CSMD1: variants seen among roughly 807,000 people sequenced by gnomAD.
CSMD1 encodes CUB and Sushi multiple domains 1.
A neutral mutation model predicts 417.5 loss-of-function variants in CSMD1; 213 were observed. The observed-to-expected ratio is 0.51, with a 90% CI of 0.46 to 0.57. The LOEUF is 0.57. Among genes scored for constraint, CSMD1 ranks in the 20% least tolerant of loss-of-function variants. CSMD1 has a pLI of 0.00. For missense variants in CSMD1, 6,923 were observed against 4,529.7 expected (o/e 1.53, Z -15.17); for synonymous variants, 2,862 against 1,736.8 (o/e 1.65, Z -16.11).
intron 3 of CSMD1, among the ~76,000 whole-genome samples, chr8:4,361,247 G>A (rs1281304970): frequency 1.3e-5 from 2 of 151,996 alleles, no homozygotes; most frequent in African/African-American, 4.8e-5. Context: ...AAGCAGGAAG[G>A]AAAAGGCGTA....
At chr8:3,111,887 T>A (rs895491235) in intron 42 of CSMD1, among the ~76,000 whole-genome samples, 1 of 151,848 alleles carries the variant, frequency 6.6e-6, no homozygotes, top group Non-Finnish European at 1.5e-5. Context: ...ACAAGCTACT[T>A]TTGTCTCCTG....
At chr8:4,106,174 T>C (rs191510265) in intron 3 of CSMD1, among the ~76,000 whole-genome samples, 13 of 152,268 alleles carry the variant, frequency 8.5e-5, no homozygotes, top group African/African-American at 2.6e-4. Context: ...CCAGCGTCTG[T>C]GCCTGATGGA....
intron 5 of CSMD1, among the ~76,000 whole-genome samples, chr8:3,791,829 T>C (rs892126527): frequency 7.8e-6 from 1 of 127,640 alleles, no homozygotes; most frequent in Non-Finnish European, 1.6e-5. Flanking sequence ...TATCAAATAA[T>C]AATAATAATA....
intron 2 of CSMD1, among the ~76,000 whole-genome samples, chr8:4,441,620 C>G (rs926270155): frequency 2.0e-5 from 3 of 151,836 alleles, no homozygotes; most frequent in Non-Finnish European, 4.4e-5. Context: ...AAGTTCTTCA[C>G]CACCTAGGTA....
At chr8:3,323,846 C>T (rs946336968) in intron 23 of CSMD1, among the ~76,000 whole-genome samples, 33 of 113,616 alleles carry the variant, frequency 2.9e-4, no homozygotes, top group East Asian at 8.9e-4. Context: ...ATTGTTAAAA[C>T]AGACACACAT....
At chr8:4,428,206 G>C (rs1250823439) in intron 2 of CSMD1, among the ~76,000 whole-genome samples, 1 of 152,132 alleles carries the variant, frequency 6.6e-6, no homozygotes, top group African/African-American at 2.4e-5. Context: ...CACTTGTACT[G>C]TGTCCACTGA....
intron 3 of CSMD1, among the ~76,000 whole-genome samples, chr8:4,159,272 AG>A (rs1395644696): frequency 6.6e-6 from 1 of 152,212 alleles, no homozygotes; most frequent in Non-Finnish European, 1.5e-5. Flanking sequence ...GGTAGCATTT[AG>A]TGTAAGTTTA....
chr8:3,738,461 A>G (rs957555312), intron 6 of CSMD1, among the ~76,000 whole-genome samples: 1 of 152,210 alleles, frequency 6.6e-6, no homozygotes, highest in Non-Finnish European at 1.5e-5. Context: ...CTTGAAGCTC[A>G]TATGTGCAGT....
At chr8:4,845,343 G>C (rs931318090) in intron 1 of CSMD1, among the ~76,000 whole-genome samples, 2 of 152,146 alleles carry the variant, frequency 1.3e-5, no homozygotes, top group African/African-American at 4.8e-5. Flanking sequence ...TAGCTAGCCA[G>C]GGGATACATA....
At chr8:4,576,092 G>C (rs1799123306) in intron 2 of CSMD1, among the ~76,000 whole-genome samples, 1 of 152,136 alleles carries the variant, frequency 6.6e-6, no homozygotes, top group Non-Finnish European at 1.5e-5. Context: ...CAGCATAATT[G>C]ACCATTCAAC....
intron 3 of CSMD1, among the ~76,000 whole-genome samples, chr8:4,290,146 G>A (rs973888915): frequency 6.6e-6 from 1 of 152,152 alleles, no homozygotes; most frequent in Non-Finnish European, 1.5e-5. Flanking sequence ...GAGTGGTGAG[G>A]AAATGCTTCC....
intron 7 of CSMD1, 54 bp downstream of exon 7, chr8:3,708,360 C>G (rs1211071391): frequency 2.0e-6 from 3 of 1,480,348 alleles, no homozygotes; most frequent in Admixed American, 3.3e-5. Flanking sequence ...GCTCCATTCT[C>G]TCCTCTGCTT....
chr8:4,075,135 C>T (rs571384410), intron 3 of CSMD1, among the ~76,000 whole-genome samples: 45 of 152,050 alleles, frequency 3.0e-4, no homozygotes, highest in Middle Eastern at 3.4e-3. Context: ...CAAAATGATA[C>T]GAAAAACTAA....
intron 1 of CSMD1, among the ~76,000 whole-genome samples, chr8:4,648,114 G>C (rs554061453): frequency 3.3e-5 from 5 of 152,288 alleles, no homozygotes; most frequent in East Asian, 3.9e-4. Context: ...CATTCTGACT[G>C]GCATGAGATG....
At chr8:3,670,299 G>A (rs368504331) in intron 7 of CSMD1, among the ~76,000 whole-genome samples, 10 of 151,890 alleles carry the variant, frequency 6.6e-5, no homozygotes, top group African/African-American at 2.2e-4. Flanking sequence ...CTCCTGTGCC[G>A]GATGCTTCCT....
Position 4,855,693 on chromosome 8 carries a change from G to A in CSMD1, c.85+138639C>T, listed in dbSNP as rs566542671. Among the ~76,000 whole-genome samples the A allele has an allele frequency of 2.0e-4, 30 of 152,194 alleles. 1 individual carries two copies. Among genetic ancestry groups the A allele is most frequent in the African/African-American group, 7.0e-4 (29 of 41,536 alleles). ...TGGAAGATGAAATGAATGAAATGAA[G>A]CGAGAAGGGAAGTCTAGAGAAAAAA... On this transcript the variant is annotated intron_variant, in intron 1 of 69. Coordinates refer to ENST00000635120, the MANE Select transcript of CSMD1 (RefSeq NM_033225.6).
intron 3 of CSMD1, among the ~76,000 whole-genome samples, chr8:4,185,306 G>T (rs926444522): frequency 6.6e-6 from 1 of 152,012 alleles, no homozygotes; most frequent in African/African-American, 2.4e-5. Flanking sequence ...TTTTGTTTTA[G>T]GGACCCTGTC....
At chr8:4,009,834 C>T (rs932936960) in intron 4 of CSMD1, among the ~76,000 whole-genome samples, 10 of 152,084 alleles carry the variant, frequency 6.6e-5, no homozygotes, top group African/African-American at 2.4e-4. Context: ...GAGTCAACCC[C>T]ACTTACTTCA....
At chr8:4,235,966 C>G (rs751744469) in intron 3 of CSMD1, among the ~76,000 whole-genome samples, 5 of 149,658 alleles carry the variant, frequency 3.3e-5, no homozygotes, top group African/African-American at 1.2e-4. Context: ...TGCCAAAATG[C>G]TAAGCTACCT....
Sources: allele counts gnomAD v4.1 joint callset (sites outside exome capture counted in the v4.1 genomes callset), GRCh38; gene constraint gnomAD v4.1.1; transcripts MANE v1.5; gene names NCBI Gene and HGNC (gene_info 2026-07-23, HGNC 2026-07-21).